BMPR1B: variants seen among roughly 807,000 people sequenced by gnomAD.
BMPR1B encodes the protein bone morphogenetic protein receptor type 1B, also known as bone morphogenetic protein receptor type-1B.
In BMPR1B, 12 loss-of-function variants were observed where a neutral mutation model predicts 59.1. The observed-to-expected ratio is 0.20, with a 90% confidence interval of 0.13 to 0.33. BMPR1B has a LOEUF of 0.33. Among genes scored for constraint, BMPR1B ranks in the 10% least tolerant of loss-of-function variants. The pLI, the probability that BMPR1B is intolerant of heterozygous loss-of-function variation, is 1.00. For missense variants in BMPR1B, 550 were observed against 610.9 expected (o/e 0.90, Z 1.05); for synonymous variants, 237 against 207.3 (o/e 1.14, Z -1.23).
intron 2 of BMPR1B, among the ~76,000 whole-genome samples, chr4:94,919,832 G>A (rs75527295): frequency 0.039 from 5,966 of 152,168 alleles, 389 homozygotes; most frequent in African/African-American, 0.14. Flanking sequence ...TTTAAGTCAT[G>A]TTTTTCTATT....
chr4:95,064,479 C>T (rs1450493310), intron 3 of BMPR1B, among the ~76,000 whole-genome samples: 1 of 152,088 alleles, frequency 6.6e-6, no homozygotes, highest in Non-Finnish European at 1.5e-5. Flanking sequence ...AAACCATCCC[C>T]CACCACCCCT....
intron 2 of BMPR1B, among the ~76,000 whole-genome samples, chr4:94,953,706 A>C (rs1313862093): frequency 6.7e-6 from 1 of 149,142 alleles, no homozygotes; most frequent in Admixed American, 6.7e-5. Flanking sequence ...CTTCATTTCA[A>C]CTGTGATGAA....
intron 10 of BMPR1B, among the ~76,000 whole-genome samples, chr4:95,138,816 T>C (rs1057105527): frequency 3.9e-5 from 6 of 152,194 alleles, no homozygotes; most frequent in Non-Finnish European, 8.8e-5. Context: ...GTCTAATCTT[T>C]TTTCAAGGTT....
At chr4:94,836,006 G>C (rs1166766334) in intron 1 of BMPR1B, among the ~76,000 whole-genome samples, 1 of 148,190 alleles carries the variant, frequency 6.7e-6, no homozygotes, top group African/African-American at 2.5e-5. Context: ...GAGAATGTGC[G>C]GTGTTTGGTT....
rs371753877 is a variant in BMPR1B, at chr4:94,802,330, C to T, written c.-183+44262C>T. On this transcript the variant is annotated intron_variant, in intron 1 of 12. Transcript: ENST00000515059. Reference sequence around the variant, plus strand: ...AGGCCTGGGTAGGCTCCAAGAGCTTCCACATCCACCGGGAGCTAAGCAAAC... The same window carrying T: ...AGGCCTGGGTAGGCTCCAAGAGCTTTCACATCCACCGGGAGCTAAGCAAAC... 9.9e-5 allele frequency among the ~76,000 whole-genome samples: 15 copies of T among 152,242 alleles called. No homozygotes were observed. In the South Asian group the frequency reaches 1.9e-3, roughly 19 times the overall value.
At chr4:94,844,820 A>T (rs537401412) in intron 1 of BMPR1B, among the ~76,000 whole-genome samples, 1 of 152,348 alleles carries the variant, frequency 6.6e-6, no homozygotes, top group East Asian at 1.9e-4. Context: ...TTTCATATTG[A>T]TCACTGGATA....
intron 1 of BMPR1B, among the ~76,000 whole-genome samples, chr4:94,765,420 A>T (rs1450620141): frequency 6.6e-6 from 1 of 152,214 alleles, no homozygotes; most frequent in Non-Finnish European, 1.5e-5. Context: ...AAGATCACAG[A>T]GTTCCTCATC....
At chr4:95,119,553 C>CTTCT (rs1732322116) in intron 6 of BMPR1B, among the ~76,000 whole-genome samples, 1 of 151,920 alleles carries the variant, frequency 6.6e-6, no homozygotes, top group Non-Finnish European at 1.5e-5. Flanking sequence ...CCTGTTTGTC[C>CTTCT]TGAATGGCTC....
At chr4:95,008,552 A>G (rs1374446888) in intron 3 of BMPR1B, among the ~76,000 whole-genome samples, 2 of 152,294 alleles carry the variant, frequency 1.3e-5, no homozygotes, top group Non-Finnish European at 1.5e-5. Context: ...CTTAACTATG[A>G]CAGCCAATAC....
rs1491178901 is a variant in BMPR1B at position 95,116,415 on chromosome 4, G to GCACACACACA, written c.349+629_349+630insACACACACAC. On this transcript the variant is annotated intron_variant, in intron 6 of 12. Coordinates refer to ENST00000515059, the MANE Select transcript of BMPR1B (RefSeq NM_001203.3). Reference sequence around the variant, plus strand: ...CCCTTTCTCCTCCTCCATGCTTTCAGCGCGCGCACACACACACACACACAC... The same window carrying GCACACACACA: ...CCCTTTCTCCTCCTCCATGCTTTCAGCACACACACACGCGCGCACACACACACACACACAC... Among the ~76,000 whole-genome samples, 219 of 67,858 alleles carry GCACACACACA rather than the reference G, an allele frequency of 3.2e-3. 4 individuals are homozygous for GCACACACACA. Among genetic ancestry groups the GCACACACACA allele is most frequent in the African/African-American group, 0.016 (207 of 12,556 alleles). 44.5% of individuals were successfully genotyped at this position (67,858 alleles called of 152,430 possible). A position where few individuals can be genotyped will look rare whatever the true frequency, so the allele number is the denominator to read the frequency against.
intron 1 of BMPR1B, among the ~76,000 whole-genome samples, chr4:94,816,922 C>G (rs1408067348): frequency 6.6e-6 from 1 of 152,068 alleles, no homozygotes; most frequent in Non-Finnish European, 1.5e-5. Flanking sequence ...TGTGTTCAAA[C>G]TCAATTAATG....
intron 2 of BMPR1B, among the ~76,000 whole-genome samples, chr4:94,991,735 C>T (rs1336362901): frequency 6.6e-6 from 1 of 151,960 alleles, no homozygotes; most frequent in Non-Finnish European, 1.5e-5. Context: ...GCTATATGGA[C>T]CATCAAAAGG....
At chr4:94,908,529 C>A (rs1423054432) in intron 2 of BMPR1B, among the ~76,000 whole-genome samples, 1 of 151,940 alleles carries the variant, frequency 6.6e-6, no homozygotes, top group Non-Finnish European at 1.5e-5. Context: ...CTATCAACAT[C>A]TCTTCTTTTT....
chr4:94,819,115 GAC>G (rs1291912784), intron 1 of BMPR1B, among the ~76,000 whole-genome samples: 4 of 152,218 alleles, frequency 2.6e-5, no homozygotes, highest in African/African-American at 9.6e-5. Context: ...CAGCCAGGGT[GAC>G]AGAGTGAGAA....
chr4:94,842,292 G>C (rs565396259), intron 1 of BMPR1B, among the ~76,000 whole-genome samples: 305 of 152,116 alleles, frequency 2.0e-3, no homozygotes, highest in Middle Eastern at 0.014. Flanking sequence ...CAGGAGATAA[G>C]TTTAAGCAAG....
At chr4:94,943,572 T>C (rs1196868432) in intron 2 of BMPR1B, among the ~76,000 whole-genome samples, 1 of 152,244 alleles carries the variant, frequency 6.6e-6, no homozygotes, top group African/African-American at 2.4e-5. Context: ...CTTAGGATAG[T>C]GCCCTGTACC....
chr4:95,053,252 C>T (rs142463355), intron 3 of BMPR1B, among the ~76,000 whole-genome samples: 1 of 145,904 alleles, frequency 6.9e-6, no homozygotes, highest in Non-Finnish European at 1.5e-5. Flanking sequence ...TGTAGGGAAC[C>T]TTTTTAAAAA....
intron 2 of BMPR1B, among the ~76,000 whole-genome samples, chr4:94,992,981 T>G (rs916492697): frequency 1.3e-5 from 2 of 152,142 alleles, no homozygotes; most frequent in African/African-American, 4.8e-5. Context: ...ATCCCTGAGC[T>G]CAAGGGATCC....
intron 1 of BMPR1B, among the ~76,000 whole-genome samples, chr4:94,760,198 C>T (rs949761562): frequency 2.0e-5 from 3 of 152,118 alleles, no homozygotes; most frequent in African/African-American, 7.2e-5. Flanking sequence ...TTTATAGGGG[C>T]TTTGCCACCT....
Sources: allele counts gnomAD v4.1 joint callset (sites outside exome capture counted in the v4.1 genomes callset), GRCh38; gene constraint gnomAD v4.1.1; transcripts MANE v1.5; gene names NCBI Gene and HGNC (gene_info 2026-07-23, HGNC 2026-07-21).